Variants in UGGT2 observed in about 807,000 individuals in gnomAD.
UGGT2 encodes UDP-glucose:glycoprotein glucosyltransferase 2.
In UGGT2, 180 loss-of-function variants were observed where a neutral mutation model predicts 192.1. That is an observed-to-expected ratio of 0.94 (90% confidence interval 0.83 to 1.06). The LOEUF (loss-of-function observed/expected upper bound fraction) is 1.06, where lower values mean the gene tolerates loss of function less well. Ranked by LOEUF, UGGT2 falls within the 50% of genes least tolerant of loss-of-function variation. UGGT2 has a pLI of 0.00. For synonymous variants in UGGT2, 580 were observed against 591.0 expected (o/e 0.98, Z 0.27); for missense variants, 1,849 against 1,795.7 (o/e 1.03, Z -0.54).
intron 17 of UGGT2, among the ~76,000 whole-genome samples, chr13:95,928,511 C>T (rs1315869818): frequency 6.6e-6 from 1 of 151,850 alleles, no homozygotes; most frequent in Non-Finnish European, 1.5e-5. Flanking sequence ...CCTCACCTCT[C>T]AGACGGGGTG....
At chr13:95,877,425 A>T in intron 28 of UGGT2, 61 bp from the exon 29 acceptor site, 1 of 1,319,104 alleles carries the variant, frequency 7.6e-7, no homozygotes, top group Non-Finnish European at 1.1e-6. Context: ...CGAATTGCTC[A>T]TGAATACACG....
rs531099088 is a variant in UGGT2 at position 96,023,388 on chromosome 13, T to C, written c.373-236A>G. 1.3e-3 allele frequency among the ~76,000 whole-genome samples: 199 copies of C among 152,256 alleles called. 1 individual carries two copies. Among genetic ancestry groups the C allele is most frequent in the African/African-American group, 3.7e-3 (153 of 41,576 alleles). On this transcript the variant is annotated intron_variant, in intron 3 of 38. Transcript: ENST00000376747. The stretch of plus-strand genomic sequence containing the variant: ...TTGAAAAAATTCTATTAAAATTTTA[T>C]GATACTTCATTTCAATTATTTGTCC...
intron 20 of UGGT2, among the ~76,000 whole-genome samples, chr13:95,908,845 T>G (rs1234190109): frequency 7.8e-6 from 1 of 127,660 alleles, no homozygotes; most frequent in South Asian, 2.9e-4. Flanking sequence ...TTCTGGATAT[T>G]AGCCCTTTGT....
chr13:95,833,168 G>A, intron 37 of UGGT2, 115 bp from the exon 38 acceptor site: 1 of 1,150,778 alleles, frequency 8.7e-7, no homozygotes, highest in Non-Finnish European at 1.2e-6. Context: ...GTCCTACTAA[G>A]TACTGGAAGT....
At chr13:96,049,818 A>G (rs927412493) in intron 1 of UGGT2, among the ~76,000 whole-genome samples, 9 of 152,156 alleles carry the variant, frequency 5.9e-5, no homozygotes, top group African/African-American at 1.9e-4. Flanking sequence ...CACTGCTCAA[A>G]AAAATAAAAG....
At chr13:95,934,686 G>A (rs529663972) in intron 17 of UGGT2, among the ~76,000 whole-genome samples, 1 of 152,232 alleles carries the variant, frequency 6.6e-6, no homozygotes, top group South Asian at 2.1e-4. Context: ...TAAGTTTTAA[G>A]TTTTTTGTGG....
chr13:95,847,905 AT>A (rs1422650895), intron 36 of UGGT2, among the ~76,000 whole-genome samples: 1 of 152,190 alleles, frequency 6.6e-6, no homozygotes, highest in Non-Finnish European at 1.5e-5. Context: ...TGACTATACC[AT>A]TTTGTACTCT....
chr13:95,902,880 C>A lies in UGGT2; in HGVS notation c.2476G>T (p.Asp826Tyr), dbSNP rs1471761769. The change falls in exon 21 of 39, where the codon GAT (aspartate) becomes TAT (tyrosine). Residue 826 changes from aspartate (D) to tyrosine (Y), a missense_variant. Asp to Tyr is a radical substitution (Grantham distance 160). Coordinates refer to ENST00000376747, the MANE Select transcript of UGGT2 (RefSeq NM_020121.4). ...TCAATAAGGAATGTTTTAATTTTAT[C>A]TCCAGAGTAAATAGCTGTAGCAATT... ...EEIATAIYSG[D>Y]KIKTFLIEGM... 6.2e-7 allele frequency: 1 copy of A among 1,613,170 alleles called. No homozygotes were observed. Among genetic ancestry groups the A allele is most frequent in the Admixed American group, 1.7e-5 (1 of 59,956 alleles).
chr13:95,871,791 G>C (rs1235829877), intron 29 of UGGT2, among the ~76,000 whole-genome samples: 1 of 152,176 alleles, frequency 6.6e-6, no homozygotes, highest in Admixed American at 6.5e-5. Flanking sequence ...GGAGGTATGA[G>C]GAGACCACAC....
Position 95,884,640 on chromosome 13 carries a change from C to T in UGGT2, c.3079G>A (p.Ala1027Thr). 6.2e-7 allele frequency: 1 copy of T among 1,613,668 alleles called. No homozygotes were observed. The highest frequency in any genetic ancestry group is 8.5e-7 in the Non-Finnish European group (1 of 1,179,762). ...FVLEPELMSG[A>T]NDVSSLGPVA... ...GGTCCAAGAGAAGAAACGTCATTAG[C>T]CCCTGACATCAGTTCTGGTTCCAGA... The change falls in exon 27 of 39, where the codon GCT becomes ACT. Residue 1027 changes from alanine (A) to threonine (T), a missense_variant. Ala to Thr is a moderately conservative substitution (Grantham distance 58). Transcript: ENST00000376747.
chr13:95,844,130 T>A (rs1888148371), intron 36 of UGGT2, among the ~76,000 whole-genome samples: 1 of 152,060 alleles, frequency 6.6e-6, no homozygotes, highest in South Asian at 2.1e-4. Flanking sequence ...CCAGCTAATT[T>A]TTTATACTTT....
At chr13:95,979,240 T>C (rs1182604305) in intron 10 of UGGT2, among the ~76,000 whole-genome samples, 2 of 152,128 alleles carry the variant, frequency 1.3e-5, no homozygotes, top group East Asian at 1.9e-4. Context: ...ATTATGAACT[T>C]CCAAAGGAAA....
intron 38 of UGGT2, chr13:95,809,363 T>C (rs1884469183): frequency 4.8e-6 from 2 of 420,218 alleles, no homozygotes; most frequent in Non-Finnish European, 9.4e-6. Context: ...CTCCACGGTT[T>C]TTGTTTCTCC....
intron 5 of UGGT2, among the ~76,000 whole-genome samples, chr13:96,012,344 TC>T (rs1258504914): frequency 1.3e-5 from 2 of 152,008 alleles, no homozygotes; most frequent in Admixed American, 6.6e-5. Flanking sequence ...CAAGAGAATG[TC>T]CTTATAACAG....
intron 38 of UGGT2, among the ~76,000 whole-genome samples, chr13:95,821,497 AGTT>A (rs1468679718): frequency 4.6e-5 from 7 of 152,248 alleles, no homozygotes; most frequent in Admixed American, 3.3e-4. Flanking sequence ...TTAGATGCAT[AGTT>A]CACAAATATT....
At chr13:95,960,379 G>A (rs114686166) in intron 12 of UGGT2, among the ~76,000 whole-genome samples, 184 of 152,232 alleles carry the variant, frequency 1.2e-3, no homozygotes, top group African/African-American at 4.0e-3. Context: ...AAATTTACCA[G>A]AACCAAATAG....
At chr13:95,890,425 G>A (rs1443571657) in intron 25 of UGGT2, among the ~76,000 whole-genome samples, 1 of 152,120 alleles carries the variant, frequency 6.6e-6, no homozygotes, top group Admixed American at 6.6e-5. Context: ...TTTGCACGGG[G>A]CTAACATGTC....
intron 29 of UGGT2, 42 bp downstream of exon 29, chr13:95,877,237 G>A (rs369163149): frequency 1.2e-4 from 173 of 1,434,012 alleles, no homozygotes; most frequent in Middle Eastern, 1.8e-4. Context: ...CACTAAAAAC[G>A]TATTTATGTG....
intron 7 of UGGT2, among the ~76,000 whole-genome samples, chr13:95,993,956 G>A (rs2051536146): frequency 1.3e-5 from 2 of 151,474 alleles, no homozygotes; most frequent in Admixed American, 1.3e-4. Context: ...AATCAGCGTG[G>A]CAGGAAAAAA....
Sources: allele counts gnomAD v4.1 joint callset (sites outside exome capture counted in the v4.1 genomes callset), GRCh38; gene constraint gnomAD v4.1.1; transcripts MANE v1.5; gene names NCBI Gene and HGNC (gene_info 2026-07-23, HGNC 2026-07-21).